Variants in SEPTIN9 observed in about 807,000 individuals in gnomAD.
The protein encoded by SEPTIN9 is septin-9.
SEPTIN9 carries 13 observed loss-of-function variants against 56.6 expected under a neutral mutation model. The ratio of observed to expected loss-of-function variants is 0.23; its 90% CI spans 0.15 to 0.37. The LOEUF (loss-of-function observed/expected upper bound fraction) is 0.37. Ranked by LOEUF, SEPTIN9 falls within the 10% of genes least tolerant of loss-of-function variation. The pLI is 1.00. For synonymous variants in SEPTIN9, 332 were observed against 334.1 expected, an observed-to-expected ratio of 0.99 and a Z score of 0.07; for missense variants, 650 against 823.1, an observed-to-expected ratio of 0.79 and a Z score of 2.57.
rs118171226 is a variant in SEPTIN9, at chr17:77,400,100, C to G, written c.77-1959C>G. Among the ~76,000 whole-genome samples, 2,509 of 152,288 alleles carry G rather than the reference C, an allele frequency of 0.016. 20 individuals carry two copies. The highest frequency in any genetic ancestry group is 0.025 in the Non-Finnish European group (1,695 of 68,036). On this transcript the variant is annotated intron_variant, in intron 2 of 11. Transcript: ENST00000427177. This position sits in a 1 kb window ranked among gnomAD's most constrained non-coding sequence, Gnocchi z 4.1. ...CAAGCGATTCTCCTGCCTCAGCCTC[C>G]TGAGTAGCTGGGACTATAGGCGAGT...
At chr17:77,353,715 G>A (rs966698284) in intron 2 of SEPTIN9, among the ~76,000 whole-genome samples, 1 of 152,198 alleles carries the variant, frequency 6.6e-6, no homozygotes, top group Non-Finnish European at 1.5e-5. Flanking sequence ...CTTTTTGGTT[G>A]TCTGTGAGGA....
chr17:77,288,281 G>C, intron 1 of SEPTIN9: 1 of 927,736 alleles, frequency 1.1e-6, no homozygotes, highest in Non-Finnish European at 1.3e-6. Flanking sequence ...CTGCGCCATG[G>C]CCGGGGCCCT....
chr17:77,334,641 G>T (rs1567999391), intron 2 of SEPTIN9, among the ~76,000 whole-genome samples: 1 of 151,930 alleles, frequency 6.6e-6, no homozygotes, highest in Non-Finnish European at 1.5e-5. Flanking sequence ...GTGACCTATG[G>T]AGGAAATCTT....
At chr17:77,454,959 G>A (rs1158811109) in intron 3 of SEPTIN9, among the ~76,000 whole-genome samples, 3 of 152,080 alleles carry the variant, frequency 2.0e-5, no homozygotes, top group Non-Finnish European at 1.5e-5. Flanking sequence ...GGGGTGGGGG[G>A]TCAGTGCAAA....
intron 2 of SEPTIN9, among the ~76,000 whole-genome samples, chr17:77,379,197 C>G (rs2035050861): frequency 6.6e-6 from 1 of 151,974 alleles, no homozygotes; most frequent in East Asian, 1.9e-4. Context: ...AGCCCGTGGA[C>G]CCATCCACTG....
rs1196557799 is a variant in SEPTIN9 at position 77,313,776 on chromosome 17, G to C, written c.76+6579G>C. 1.3e-5 allele frequency among the ~76,000 whole-genome samples: 2 copies of C among 151,974 alleles called. No homozygotes were observed. The highest frequency in any genetic ancestry group is 2.4e-5 in the African/African-American group (1 of 41,376). ...GGCAGGGTCTTTCTCTGTCCCCCAGGCTGGAGTGCAGTGGCACAATTATAG... is the reference window on the plus strand; with the variant it reads ...GGCAGGGTCTTTCTCTGTCCCCCAGCCTGGAGTGCAGTGGCACAATTATAG... On this transcript the variant is annotated intron_variant, in intron 2 of 11. Transcript: ENST00000427177. The surrounding 1 kb of genome is among the most constrained non-coding windows in gnomAD (Gnocchi z 4.5).
Position 77,475,602 on chromosome 17 carries a change from G to C in SEPTIN9, c.722-6542G>C, listed in dbSNP as rs748993145. ...GGCCCCAGGGTCTGGATTCAGGGGAGCCTGCAGAGGGAGGGCAGCTGGAGG... is the reference window on the plus strand; with the variant it reads ...GGCCCCAGGGTCTGGATTCAGGGGACCCTGCAGAGGGAGGGCAGCTGGAGG... On this transcript the variant is annotated intron_variant, in intron 3 of 11. Coordinates refer to ENST00000427177, the MANE Select transcript of SEPTIN9 (RefSeq NM_001113491.2). The surrounding 1 kb of genome is among the most constrained non-coding windows in gnomAD (Gnocchi z 4.6). 1.9e-6 allele frequency: 3 copies of C among 1,613,554 alleles called. No homozygotes were observed. Among genetic ancestry groups the C allele is most frequent in the African/African-American group, 2.7e-5 (2 of 74,938 alleles).
At chr17:77,288,944 A>G (rs1274054349) in intron 1 of SEPTIN9, among the ~76,000 whole-genome samples, 1 of 152,214 alleles carries the variant, frequency 6.6e-6, no homozygotes, top group Non-Finnish European at 1.5e-5. Context: ...TGTTGGCATC[A>G]TGTTGCCTCC....
chr17:77,407,361 T>G (rs1421096459), intron 3 of SEPTIN9, among the ~76,000 whole-genome samples: 1 of 150,484 alleles, frequency 6.6e-6, no homozygotes, highest in Non-Finnish European at 1.5e-5. Flanking sequence ...GCCATGAAAT[T>G]ATGCTGAAGG....
chr17:77,437,015 A>G lies in SEPTIN9; in HGVS notation c.721+34312A>G, dbSNP rs922175443. ...ACTCCCTCGGTTTACAGTGGAGGAA[A>G]CTAGAGGCCGAGAGAGGTGAAGTGA... On this transcript the variant is annotated intron_variant, in intron 3 of 11. Transcript: ENST00000427177. The surrounding 1 kb of genome is among the most constrained non-coding windows in gnomAD (Gnocchi z 5.3). Among the ~76,000 whole-genome samples the G allele has an allele frequency of 1.3e-5, 2 of 152,204 alleles. No individual in the cohort carries two copies. Among genetic ancestry groups the G allele is most frequent in the Non-Finnish European group, 2.9e-5 (2 of 68,012 alleles).
intron 2 of SEPTIN9, chr17:77,320,446 G>A (rs2032871972): frequency 1.4e-5 from 15 of 1,075,440 alleles, no homozygotes; most frequent in South Asian, 7.6e-5. Flanking sequence ...GGGCGCTTTT[G>A]CTCATTTTTC....
At chr17:77,462,791 G>A (rs1412339843) in intron 3 of SEPTIN9, among the ~76,000 whole-genome samples, 1 of 152,168 alleles carries the variant, frequency 6.6e-6, no homozygotes, top group African/African-American at 2.4e-5. Context: ...ACAGGCGTGT[G>A]CCACCACACC....
In SEPTIN9 at chr17:77,451,657, G is replaced by T; in HGVS notation, c.722-30487G>T. ...GGGAGCCACGCTGTCCCTGGGCCCC[G>T]GCCCGAGGCCGGCAGGACCGAGCGG... On this transcript the variant is annotated intron_variant, in intron 3 of 11. Transcript: ENST00000427177. This position sits in a 1 kb window ranked among gnomAD's most constrained non-coding sequence, Gnocchi z 4.2. 1.4e-6 allele frequency: 1 copy of T among 704,350 alleles called. No homozygotes were observed. The highest frequency in any genetic ancestry group is 1.7e-6 in the Non-Finnish European group (1 of 573,024). 43.6% of individuals were successfully genotyped at this position (704,350 alleles called of 1,614,324 possible). A position where few individuals can be genotyped will look rare whatever the true frequency, so the allele number is the denominator to read the frequency against.
chr17:77,413,518 G>A (rs958054592), intron 3 of SEPTIN9, among the ~76,000 whole-genome samples: 2 of 152,314 alleles, frequency 1.3e-5, no homozygotes, highest in Admixed American at 6.5e-5. Flanking sequence ...TCGATCAGTC[G>A]GTGTGCAAAC....
intron 3 of SEPTIN9, among the ~76,000 whole-genome samples, chr17:77,412,046 C>T (rs1027622049): frequency 8.7e-5 from 13 of 149,594 alleles, no homozygotes; most frequent in Non-Finnish European, 1.5e-5. Context: ...AGGAGACTTG[C>T]TTGAACCCAG....
rs886053493 is a variant in SEPTIN9, at chr17:77,499,417, A to T, written c.*759A>T. 1 of 539,034 alleles carries T rather than the reference A, an allele frequency of 1.9e-6. No homozygotes were observed. Among genetic ancestry groups the T allele is most frequent in the South Asian group, 1.5e-5 (1 of 65,488 alleles). The allele number at this position is 539,034 out of a possible 1,614,324, so 33.4% of individuals were successfully genotyped here. A position where few individuals can be genotyped will look rare whatever the true frequency, so the allele number is the denominator to read the frequency against. On this transcript the variant is annotated 3_prime_UTR_variant, in exon 12 of 12. Transcript: ENST00000427177. ...CCCCACCGGGCTGCAGGTGCTGCTG[A>T]TGCGCTGGGATCTGATTGAGGATAA...
chr17:77,487,403 G>T lies in SEPTIN9; in HGVS notation c.914-21G>T, dbSNP rs769231401. The T allele has an allele frequency of 6.3e-7, 1 of 1,585,818 alleles. No individual in the cohort carries two copies. Among genetic ancestry groups the T allele is most frequent in the Non-Finnish European group, 8.6e-7 (1 of 1,167,092 alleles). On this transcript the variant is annotated intron_variant, in intron 4 of 11. Coordinates refer to ENST00000427177, the MANE Select transcript of SEPTIN9 (RefSeq NM_001113491.2). This position sits in a 1 kb window ranked among gnomAD's most constrained non-coding sequence, Gnocchi z 4.3. Reference sequence around the variant, plus strand: ...GGTCTCTCCGGAGAGACCCCTGACCGGCCTCCCATCCTCTCCCCAGGGCAG... The same window carrying T: ...GGTCTCTCCGGAGAGACCCCTGACCTGCCTCCCATCCTCTCCCCAGGGCAG...
intron 1 of SEPTIN9, among the ~76,000 whole-genome samples, chr17:77,292,648 C>A (rs1321483663): frequency 6.6e-6 from 1 of 152,016 alleles, no homozygotes; most frequent in Non-Finnish European, 1.5e-5. Flanking sequence ...CGCCCGCCAC[C>A]ATGCCTGGCC....
chr17:77,465,547 C>G (rs146254958), intron 3 of SEPTIN9, among the ~76,000 whole-genome samples: 137 of 151,512 alleles, frequency 9.0e-4, no homozygotes, highest in African/African-American at 2.9e-3. Context: ...GCCAAAGCCC[C>G]CTTTGTTTTA....
Sources: allele counts gnomAD v4.1 joint callset (sites outside exome capture counted in the v4.1 genomes callset), GRCh38; gene constraint gnomAD v4.1.1; non-coding constraint Gnocchi (gnomAD v3.1); transcripts MANE v1.5; gene names NCBI Gene and HGNC (gene_info 2026-07-23, HGNC 2026-07-21).